The following STPG2 variants were observed in gnomAD, a reference collection of about 807,000 sequenced individuals.
STPG2 encodes sperm tail PG-rich repeat containing 2, also known as sperm-tail PG-rich repeat-containing protein 2.
In STPG2, 56 loss-of-function variants were observed where a neutral mutation model predicts 54.2. That is an observed-to-expected ratio of 1.03 (90% CI 0.83 to 1.29). The LOEUF (loss-of-function observed/expected upper bound fraction) is 1.29. Among genes scored for constraint, STPG2 ranks in the 50% most tolerant of loss-of-function variants. The probability of loss-of-function intolerance (pLI) is 0.00; values close to 1 mark genes in which losing one functional copy is unlikely to be tolerated. For synonymous variants in STPG2, 200 were observed against 181.8 expected (o/e 1.10, Z -0.81); for missense variants, 596 against 544.9 (o/e 1.09, Z -0.93).
Position 98,143,387 on chromosome 4 carries a change from A to T in STPG2, c.-237T>A, listed in dbSNP as rs2110176386. 2.0e-6 allele frequency: 1 copy of T among 504,702 alleles called. No homozygotes were observed. The highest frequency in any genetic ancestry group is 3.6e-6 in the Non-Finnish European group (1 of 279,668). The allele number at this position is 504,702 out of a possible 1,614,324, so 31.3% of individuals were successfully genotyped here. ...GTAGAGGGGTGAGCGACTAGAGATT[A>T]GACGTCCCACACAATCATCAGTTTG... On this transcript the variant is annotated 5_prime_UTR_variant, in exon 1 of 11. An upstream open reading frame in the 5' UTR loses its in-frame stop. Coordinates refer to ENST00000295268, the MANE Select transcript of STPG2 (RefSeq NM_174952.3).
chr4:97,984,732 G>C (rs1448155674), intron 5 of STPG2, among the ~76,000 whole-genome samples: 2 of 152,162 alleles, frequency 1.3e-5, no homozygotes, highest in Admixed American at 1.3e-4. Flanking sequence ...TCAAAGAAGT[G>C]TTACGCCCCC....
Position 97,945,245 on chromosome 4 carries a change from A to G in STPG2, c.934-1238T>C, listed in dbSNP as rs570933059. Among the ~76,000 whole-genome samples the G allele has an allele frequency of 7.0e-4, 107 of 152,030 alleles. No individual in the cohort carries two copies. In the South Asian group the frequency reaches 0.021, roughly 30 times the overall value. ...CCTTTCTAAGTCTCCAAAGTCCATT[A>G]TATCACTCTGTGTGTCTTTGCGTAC... is the stretch of plus-strand genomic sequence containing the variant. On this transcript the variant is annotated intron_variant, in intron 7 of 10. Coordinates refer to ENST00000295268, the MANE Select transcript of STPG2 (RefSeq NM_174952.3).
At position 98,080,673 on chromosome 4, in the gene STPG2, G is replaced by A. The variant is rs565756202; in HGVS notation, c.612+25280C>T. ...ATTGAAAAAATAAGTTGATGTCTTC[G>A]TACTTTTCAAAAAAAAGAAAAAGGT... On this transcript the variant is annotated intron_variant, in intron 5 of 10. Transcript: ENST00000295268. Among the ~76,000 whole-genome samples the A allele has an allele frequency of 4.2e-4, 64 of 152,110 alleles. No homozygotes were observed. In the South Asian group the frequency reaches 0.012, roughly 29 times the overall value.
At chr4:97,653,322 GTT>G (rs1265912157) in intron 10 of STPG2, among the ~76,000 whole-genome samples, 6 of 151,382 alleles carry the variant, frequency 4.0e-5, no homozygotes, top group African/African-American at 1.5e-4. Flanking sequence ...CCAAAGACTA[GTT>G]TTGACTTTAT....
intron 10 of STPG2, among the ~76,000 whole-genome samples, chr4:97,645,792 C>A (rs1437024939): frequency 6.6e-6 from 1 of 152,058 alleles, no homozygotes; most frequent in Non-Finnish European, 1.5e-5. Context: ...TTAATTAGTT[C>A]TAACTGCATA....
At chr4:97,878,684 T>A (rs1460788532) in intron 8 of STPG2, among the ~76,000 whole-genome samples, 2 of 152,108 alleles carry the variant, frequency 1.3e-5, no homozygotes, top group African/African-American at 4.8e-5. Flanking sequence ...GGCCTCTGGG[T>A]CTGTGATGGG....
chr4:97,650,499 G>C (rs1193941326), intron 10 of STPG2, among the ~76,000 whole-genome samples: 6 of 152,104 alleles, frequency 3.9e-5, no homozygotes, highest in Non-Finnish European at 8.8e-5. Context: ...TGAAGCAGGA[G>C]CTTCCAGGGT....
At chr4:98,032,907 G>A (rs535192685) in intron 5 of STPG2, among the ~76,000 whole-genome samples, 13 of 151,930 alleles carry the variant, frequency 8.6e-5, no homozygotes, top group Middle Eastern at 6.9e-3. Flanking sequence ...GAACAAAGAC[G>A]CATGTCCCAG....
At chr4:97,555,099 A>T (rs1732047454), downstream of STPG2, among the ~76,000 whole-genome samples, 1 of 152,194 alleles carries the variant, frequency 6.6e-6, no homozygotes, top group Non-Finnish European at 1.5e-5. Context: ...GCATCAACTT[A>T]AATTTTTAAA....
intron 9 of STPG2, among the ~76,000 whole-genome samples, chr4:97,802,436 G>A (rs1727429173): frequency 6.6e-6 from 1 of 151,852 alleles, no homozygotes; most frequent in Non-Finnish European, 1.5e-5. Flanking sequence ...TTTCCTTCTA[G>A]TTTTCTATCA....
At chr4:97,811,590 G>T (rs1727744077) in intron 9 of STPG2, among the ~76,000 whole-genome samples, 1 of 151,932 alleles carries the variant, frequency 6.6e-6, no homozygotes, top group Non-Finnish European at 1.5e-5. Context: ...AACTGATTTT[G>T]TTAAACCAAT....
At chr4:97,931,929 T>C (rs1034926210) in intron 8 of STPG2, among the ~76,000 whole-genome samples, 1 of 152,172 alleles carries the variant, frequency 6.6e-6, no homozygotes, top group Non-Finnish European at 1.5e-5. Flanking sequence ...GAACTCATTA[T>C]TGGTCTGTGC....
At chr4:97,464,557 C>T (rs1729744424) in intron 4 of STPG2, among the ~76,000 whole-genome samples, 2 of 152,262 alleles carry the variant, frequency 1.3e-5, no homozygotes, top group South Asian at 2.1e-4. Flanking sequence ...GCTGGAATTA[C>T]AGGTGCACAC....
At chr4:97,717,355 T>G (rs892862592) in intron 9 of STPG2, among the ~76,000 whole-genome samples, 3 of 152,242 alleles carry the variant, frequency 2.0e-5, no homozygotes, top group African/African-American at 7.2e-5. Context: ...GAAGTTATTG[T>G]GTACAAAGCC....
chr4:97,985,931 C>T (rs138128362), intron 5 of STPG2, among the ~76,000 whole-genome samples: 3 of 148,690 alleles, frequency 2.0e-5, no homozygotes, highest in African/African-American at 7.6e-5. Flanking sequence ...CATGCGCAAG[C>T]GCACGTGAGC....
At chr4:97,858,550 C>T (rs2149137818) in intron 8 of STPG2, among the ~76,000 whole-genome samples, 1 of 152,214 alleles carries the variant, frequency 6.6e-6, no homozygotes, top group South Asian at 2.1e-4. Context: ...ATCCCTCTCT[C>T]CTCTCCTACC....
intron 9 of STPG2, among the ~76,000 whole-genome samples, chr4:97,804,383 C>T (rs1353253119): frequency 6.6e-6 from 1 of 151,956 alleles, no homozygotes; most frequent in Non-Finnish European, 1.5e-5. Context: ...CCTGTGTAGG[C>T]CCTGGCTAAC....
At chr4:97,875,526 A>C (rs1730143688) in intron 8 of STPG2, among the ~76,000 whole-genome samples, 1 of 151,938 alleles carries the variant, frequency 6.6e-6, no homozygotes, top group African/African-American at 2.4e-5. Context: ...TTTAAAAAAC[A>C]AGTTATTTTC....
intron 10 of STPG2, among the ~76,000 whole-genome samples, chr4:97,619,524 G>GC (rs1733954854): frequency 7.0e-6 from 1 of 142,414 alleles, no homozygotes; most frequent in African/African-American, 2.6e-5. Context: ...TGATTCCAGT[G>GC]TTTTTTTTTT....
Sources: allele counts gnomAD v4.1 joint callset (sites outside exome capture counted in the v4.1 genomes callset), GRCh38; gene constraint gnomAD v4.1.1; transcripts MANE v1.5; gene names NCBI Gene and HGNC (gene_info 2026-07-23, HGNC 2026-07-21).